Variants in STX16 observed in about 807,000 individuals in gnomAD.
STX16 encodes the protein syntaxin-16.
In STX16, 28 loss-of-function variants were observed where a neutral mutation model predicts 42.7. The ratio of observed to expected loss-of-function variants is 0.66; its 90% CI spans 0.49 to 0.90. The LOEUF (loss-of-function observed/expected upper bound fraction) is 0.90. Among genes scored for constraint, STX16 ranks in the 40% least tolerant of loss-of-function variants. STX16 has a pLI of 0.00. For missense variants in STX16, 361 were observed against 420.9 expected (o/e 0.86, Z 1.24); for synonymous variants, 156 against 155.2 (o/e 1.00, Z -0.04).
At chr20:58,661,534 T>A (rs1018999467) in intron 2 of STX16, among the ~76,000 whole-genome samples, 18 of 152,390 alleles carry the variant, frequency 1.2e-4, no homozygotes, top group Middle Eastern at 3.4e-3. Flanking sequence ...CTCATTTCCT[T>A]GTGCGTTTCA....
chr20:58,665,326 A>G (rs539738359), intron 2 of STX16, among the ~76,000 whole-genome samples: 5 of 152,310 alleles, frequency 3.3e-5, no homozygotes, highest in African/African-American at 1.2e-4. Flanking sequence ...TGGGAAATGA[A>G]TCAAACTACT....
intron 2 of STX16, among the ~76,000 whole-genome samples, chr20:58,665,601 C>A (rs1253126501): frequency 6.6e-6 from 1 of 152,018 alleles, no homozygotes; most frequent in Admixed American, 6.6e-5. Flanking sequence ...AAAATAATGT[C>A]AAGAATGTAA....
In STX16 at chr20:58,676,818, A is replaced by C. The variant is rs2084140053; in HGVS notation, c.*527A>C. On this transcript the variant is annotated 3_prime_UTR_variant, in exon 9 of 9. Coordinates refer to ENST00000371141, the MANE Select transcript of STX16 (RefSeq NM_001001433.3). ...AAAACAAACTAAGAAGTCCTTTAAG[A>C]ATTTATAATCCGTTCCCCATTAACT... 1 of 152,672 alleles carries C rather than the reference A, an allele frequency of 6.5e-6. No individual in the cohort carries two copies. The allele number at this position is 152,672 out of a possible 1,614,324, so 9.5% of individuals were successfully genotyped here.
At chr20:58,666,667 G>A (rs2083840842) in intron 2 of STX16, among the ~76,000 whole-genome samples, 1 of 152,140 alleles carries the variant, frequency 6.6e-6, no homozygotes, top group South Asian at 2.1e-4. Flanking sequence ...GACCTCAGAT[G>A]ATCTGCCCGC....
rs760323168 is a variant in STX16, at chr20:58,676,272, T to C, written c.959T>C (p.Val320Ala). Residue 320 changes from valine (V) to alanine (A), a missense_variant, in exon 9 of 9, where the codon GTT becomes GCT. Transcript: ENST00000371141. ...VIIIVLIVVL[V>A]GVKSR ...ATCATTGTGCTCATTGTTGTCCTCG[T>C]TGGCGTGAAGTCTCGATAAGTGGCA... 11 of 1,614,240 alleles carry C rather than the reference T, an allele frequency of 6.8e-6. No homozygotes were observed. The Admixed American group carries it at 1.2e-4, about 17-fold the overall frequency.
chr20:58,673,085 C>T (rs1264459745), intron 7 of STX16, among the ~76,000 whole-genome samples: 2 of 152,214 alleles, frequency 1.3e-5, no homozygotes, highest in Non-Finnish European at 2.9e-5. Flanking sequence ...AACAATTAAA[C>T]ATCTTCCCCT....
intron 1 of STX16, among the ~76,000 whole-genome samples, chr20:58,659,183 A>G (rs1402122248): frequency 6.6e-6 from 1 of 152,254 alleles, no homozygotes; most frequent in African/African-American, 2.4e-5. Context: ...GTTAAAATAT[A>G]CATTTATTTA....
chr20:58,664,425 C>T (rs935372347), intron 2 of STX16, among the ~76,000 whole-genome samples: 3 of 152,176 alleles, frequency 2.0e-5, no homozygotes, highest in Admixed American at 6.5e-5. Flanking sequence ...ACAAATTATT[C>T]GCTATTTAAA....
rs903788016 is a variant in STX16, at chr20:58,651,945, G to A, written c.-62G>A. ...CCAGCCGGGCCACGAGAAAGAAAGTGAATAAATCAGGAATATAAGTGGGCG... is the reference window on the plus strand; with the variant it reads ...CCAGCCGGGCCACGAGAAAGAAAGTAAATAAATCAGGAATATAAGTGGGCG... On this transcript the variant is annotated 5_prime_UTR_variant, in exon 1 of 9. Transcript: ENST00000371141. 1 of 1,573,420 alleles carries A rather than the reference G, an allele frequency of 6.4e-7. No homozygotes were observed. The highest frequency in any genetic ancestry group is 1.4e-5 in the African/African-American group (1 of 74,022).
rs542654386 is a variant in STX16, at chr20:58,663,009, G to A, written c.144+3375G>A. On this transcript the variant is annotated intron_variant, in intron 2 of 8. Transcript: ENST00000371141. ...TTCTTAAGCCTAATTGTCTATTAGC[G>A]AAGTAGTCTGACTTCATCATACAGG... Among the ~76,000 whole-genome samples, 8 of 152,238 alleles carry A rather than the reference G, an allele frequency of 5.3e-5. No homozygotes were observed. In the South Asian group the frequency reaches 1.7e-3, roughly 32 times the overall value.
chr20:58,670,257 A>G (rs947898928), intron 5 of STX16, among the ~76,000 whole-genome samples: 26 of 152,226 alleles, frequency 1.7e-4, no homozygotes, highest in Non-Finnish European at 3.7e-4. Context: ...TGTCATTTTT[A>G]TCTTGGCATC....
intron 1 of STX16, among the ~76,000 whole-genome samples, chr20:58,654,027 G>A (rs1406261989): frequency 6.6e-6 from 1 of 151,916 alleles, no homozygotes; most frequent in Non-Finnish European, 1.5e-5. Context: ...GATAGTTAAC[G>A]TATACAGTTT....
In STX16 at chr20:58,669,404, G is replaced by A. The variant is rs1209420135; in HGVS notation, c.507G>A (p.Leu169=). 6.2e-7 allele frequency: 1 copy of A among 1,612,370 alleles called. No individual in the cohort carries two copies. The highest frequency in any genetic ancestry group is 8.5e-7 in the Non-Finnish European group (1 of 1,179,546). The change falls in exon 5 of 9, where the codon CTG becomes CTA. Residue 169 remains leucine, a synonymous_variant. Transcript: ENST00000371141. ...GNVVASLAQA[L]QELSTSFRHA... is the part of the protein sequence containing the mutation. ...TGGTGGCCTCGCTGGCGCAGGCCCT[G>A]CAGGAACTCTCCACCAGCTTCCGGC... is the stretch of plus-strand genomic sequence containing the variant.
At chr20:58,656,559 G>A (rs997440448) in intron 1 of STX16, among the ~76,000 whole-genome samples, 2 of 152,182 alleles carry the variant, frequency 1.3e-5, no homozygotes, top group African/African-American at 2.4e-5. Flanking sequence ...GGTTTCCTTC[G>A]ATCTCCGGGA....
At chr20:58,674,497 T>A (rs1213093240) in intron 8 of STX16, among the ~76,000 whole-genome samples, 2 of 152,262 alleles carry the variant, frequency 1.3e-5, no homozygotes, top group Admixed American at 1.3e-4. Context: ...ATGAGTGTTT[T>A]GCCAATTCAC....
Position 58,669,356 on chromosome 20 carries a change from G to A in STX16, c.459G>A (p.Gln153=), listed in dbSNP as rs372451144. ...GCCGGGCCCGGGCCTGCTCCGAGCAGGAGGGGCGGCTGCTTGGGAACGTGG... is the reference window on the plus strand; with the variant it reads ...GCCGGGCCCGGGCCTGCTCCGAGCAAGAGGGGCGGCTGCTTGGGAACGTGG... ...LPSRARACSE[Q]EGRLLGNVVA... The change falls in exon 5 of 9, where the codon CAG becomes CAA. Residue 153 remains glutamine (Q), a synonymous_variant. Transcript: ENST00000371141. 2.0e-5 allele frequency: 33 copies of A among 1,611,812 alleles called. No homozygotes were observed. Among genetic ancestry groups the A allele is most frequent in the African/African-American group, 2.7e-5 (2 of 74,846 alleles).
Position 58,676,455 on chromosome 20 carries a change from C to A in STX16, c.*164C>A. 1 of 622,930 alleles carries A rather than the reference C, an allele frequency of 1.6e-6. No individual in the cohort carries two copies. Among genetic ancestry groups the A allele is most frequent in the Non-Finnish European group, 2.9e-6 (1 of 348,386 alleles). The allele number at this position is 622,930 out of a possible 1,614,324, so 38.6% of individuals were successfully genotyped here. On this transcript the variant is annotated 3_prime_UTR_variant, in exon 9 of 9. Coordinates refer to ENST00000371141, the MANE Select transcript of STX16 (RefSeq NM_001001433.3). ...GGACTCCTCCTTCCCTAGTCCTGCTCAAGCGGTCCGGGGAATGGGTTTTTG... is the reference window on the plus strand; with the variant it reads ...GGACTCCTCCTTCCCTAGTCCTGCTAAAGCGGTCCGGGGAATGGGTTTTTG...
In STX16 at chr20:58,667,576, G is replaced by A. The variant is rs1227383676; in HGVS notation, c.231G>A (p.Lys77=). Residue 77 remains lysine (K), a synonymous_variant, in exon 3 of 9, where the codon AAG becomes AAA. Coordinates refer to ENST00000371141, the MANE Select transcript of STX16 (RefSeq NM_001001433.3). The part of the protein sequence containing the change: ...AIGVTKRPPP[K]WVDGVDEIQY... ...GTGTGACAAAACGGCCACCTCCTAAGTGGGTGGATGGAGTGGATGAAGTAA... is the reference window on the plus strand; with the variant it reads ...GTGTGACAAAACGGCCACCTCCTAAATGGGTGGATGGAGTGGATGAAGTAA... 15 of 1,614,126 alleles carry A rather than the reference G, an allele frequency of 9.3e-6. No individual in the cohort carries two copies. The highest frequency in any genetic ancestry group is 1.2e-5 in the Non-Finnish European group (14 of 1,180,004).
At chr20:58,652,809 C>G (rs2083500290) in intron 1 of STX16, among the ~76,000 whole-genome samples, 1 of 151,864 alleles carries the variant, frequency 6.6e-6, no homozygotes, top group African/African-American at 2.4e-5. Context: ...TCCATTCGAA[C>G]TTTTTAAAAA....
Sources: gnomAD v4.1 joint callset for allele counts (sites outside exome capture counted in the v4.1 genomes callset) on GRCh38, gnomAD v4.1.1 for gene constraint, MANE v1.5 for transcripts, NCBI Gene and HGNC (gene_info 2026-07-23, HGNC 2026-07-21) for gene names.